The following SPECC1 variants were observed in gnomAD, a reference collection of about 807,000 sequenced individuals.
SPECC1 encodes sperm antigen with calponin homology and coiled-coil domains 1.
In SPECC1, 62 loss-of-function variants were observed where a neutral mutation model predicts 104.1. That is an observed-to-expected ratio of 0.60 (90% CI 0.49 to 0.74). The LOEUF (loss-of-function observed/expected upper bound fraction) is 0.74, where lower values mean the gene tolerates loss of function less well. Among genes scored for constraint, SPECC1 ranks in the 30% least tolerant of loss-of-function variants. The pLI, the probability that SPECC1 is intolerant of heterozygous loss-of-function variation, is 0.00. For missense variants in SPECC1, 1,306 were observed against 1,310.5 expected (o/e 1.00, Z 0.05); for synonymous variants, 513 against 501.6 (o/e 1.02, Z -0.30).
chr17:20,295,960 T>C (rs1259933474), intron 12 of SPECC1, among the ~76,000 whole-genome samples: 2 of 152,240 alleles, frequency 1.3e-5, no homozygotes, highest in Non-Finnish European at 2.9e-5. Flanking sequence ...TTTTCTCCCA[T>C]TCTGTAGGTT....
intron 3 of SPECC1, chr17:20,126,558 C>T (rs2049319084): frequency 6.6e-6 from 1 of 152,170 alleles, no homozygotes; most frequent in Non-Finnish European, 1.5e-5. Flanking sequence ...ACCATCCTCT[C>T]TTCTTAGCAC....
intron 1 of SPECC1, chr17:20,017,261 A>C (rs1381777801): frequency 6.6e-6 from 1 of 152,328 alleles, no homozygotes; most frequent in African/African-American, 2.4e-5. Context: ...GCTGCAACAC[A>C]CACCTCGAAG....
intron 3 of SPECC1, among the ~76,000 whole-genome samples, chr17:20,160,957 C>T (rs542871532): frequency 7.7e-4 from 118 of 152,308 alleles, no homozygotes; most frequent in Non-Finnish European, 1.4e-3. Flanking sequence ...TAGTGGTATA[C>T]AGAAGTTTAC....
At chr17:20,145,466 TGGCTTGGCCCTC>T (rs2031355822) in intron 3 of SPECC1, among the ~76,000 whole-genome samples, 2 of 152,232 alleles carry the variant, frequency 1.3e-5, no homozygotes, top group South Asian at 4.1e-4. Flanking sequence ...CTGATTGTGC[TGGCTTGGCCCTC>T]TGGCCAGCTC....
chr17:20,253,670 T>C, intron 10 of SPECC1, 84 bp downstream of exon 10: 1 of 1,306,892 alleles, frequency 7.7e-7, no homozygotes, highest in South Asian at 1.3e-5. Flanking sequence ...AAACTGAGCT[T>C]AGAAAAATAA....
intron 3 of SPECC1, among the ~76,000 whole-genome samples, chr17:20,175,304 C>G (rs770147988): frequency 2.6e-5 from 4 of 152,214 alleles, no homozygotes; most frequent in East Asian, 1.9e-4. Context: ...TGATCATCAT[C>G]TAAGCGTGAA....
chr17:20,064,578 C>T (rs183229907), intron 1 of SPECC1, among the ~76,000 whole-genome samples: 5 of 152,258 alleles, frequency 3.3e-5, no homozygotes, highest in African/African-American at 1.2e-4. Context: ...TCTGTCCCAG[C>T]GCCAGACGTC....
At chr17:20,300,573 T>C (rs1397357376) in intron 13 of SPECC1, among the ~76,000 whole-genome samples, 1 of 152,238 alleles carries the variant, frequency 6.6e-6, no homozygotes, top group Non-Finnish European at 1.5e-5. Context: ...CATGGCTGTA[T>C]TGGAAAATTA....
At chr17:20,059,326 T>A (rs1363853560) in intron 1 of SPECC1, among the ~76,000 whole-genome samples, 2 of 152,234 alleles carry the variant, frequency 1.3e-5, no homozygotes, top group East Asian at 3.9e-4. Flanking sequence ...GCGGAAAACC[T>A]ACATCCCTTG....
chr17:20,068,474 T>C (rs866263492), intron 1 of SPECC1, among the ~76,000 whole-genome samples: 3 of 152,252 alleles, frequency 2.0e-5, no homozygotes, highest in African/African-American at 7.2e-5. Flanking sequence ...TTTGAACTTC[T>C]GTTTTCAATT....
intron 1 of SPECC1, among the ~76,000 whole-genome samples, chr17:20,021,671 A>ATG (rs1446463872): frequency 7.0e-6 from 1 of 143,596 alleles, no homozygotes; most frequent in African/African-American, 2.6e-5. Flanking sequence ...ATATATATAT[A>ATG]TATAATATAA....
chr17:20,091,473 G>A (rs1396230674), intron 1 of SPECC1, among the ~76,000 whole-genome samples: 1 of 152,098 alleles, frequency 6.6e-6, no homozygotes, highest in African/African-American at 2.4e-5. Context: ...CTTGTTGTAG[G>A]GCTCCCCTTT....
At chr17:20,093,330 G>A (rs749135683) in intron 1 of SPECC1, among the ~76,000 whole-genome samples, 16 of 152,318 alleles carry the variant, frequency 1.1e-4, no homozygotes, top group Admixed American at 6.5e-5. Context: ...CTGCCTCCCA[G>A]ATGCCCTACC....
chr17:20,238,323 C>CA, intron 7 of SPECC1: 1 of 1,039,822 alleles, frequency 9.6e-7, no homozygotes, highest in African/African-American at 1.7e-5. Context: ...ATACACAATT[C>CA]AAAATGTGAT....
chr17:20,217,015 G>A (rs1327493481), intron 4 of SPECC1, among the ~76,000 whole-genome samples: 1 of 151,906 alleles, frequency 6.6e-6, no homozygotes, highest in Non-Finnish European at 1.5e-5. Flanking sequence ...AATCTCAAGG[G>A]AAATGCAAAG....
At chr17:20,122,331 A>G (rs1014418666) in intron 3 of SPECC1, among the ~76,000 whole-genome samples, 3 of 152,144 alleles carry the variant, frequency 2.0e-5, no homozygotes, top group African/African-American at 7.2e-5. Flanking sequence ...GAGTGGACAG[A>G]TGGGGTAAGC....
At chr17:20,243,358 G>A (rs1158858360) in intron 7 of SPECC1, among the ~76,000 whole-genome samples, 1 of 151,958 alleles carries the variant, frequency 6.6e-6, no homozygotes, top group Admixed American at 6.6e-5. Context: ...TTCTTCCTTG[G>A]AACAGAGGAA....
intron 1 of SPECC1, among the ~76,000 whole-genome samples, chr17:20,051,297 T>G (rs1306074063): frequency 6.6e-6 from 1 of 151,980 alleles, no homozygotes; most frequent in East Asian, 1.9e-4. Flanking sequence ...TGACTCAGCC[T>G]CCTGAGTAGC....
At chr17:20,285,508 A>T (rs192246417) in intron 12 of SPECC1, among the ~76,000 whole-genome samples, 1 of 152,172 alleles carries the variant, frequency 6.6e-6, no homozygotes, top group Non-Finnish European at 1.5e-5. Context: ...GACTTTCATC[A>T]AAAAGTTCCA....
Sources: gnomAD v4.1 joint callset for allele counts (sites outside exome capture counted in the v4.1 genomes callset) on GRCh38, gnomAD v4.1.1 for gene constraint, MANE v1.5 for transcripts, NCBI Gene and HGNC (gene_info 2026-07-23, HGNC 2026-07-21) for gene names.